Variants in TMEM120A observed in about 807,000 individuals in gnomAD.
The protein encoded by TMEM120A is transmembrane protein 120A.
In TMEM120A, 45 loss-of-function variants were observed where a neutral mutation model predicts 54.3. That is an observed-to-expected ratio of 0.83 (90% CI 0.65 to 1.06). TMEM120A has a LOEUF of 1.06. Among genes scored for constraint, TMEM120A ranks in the 50% least tolerant of loss-of-function variants. The pLI, the probability that TMEM120A is intolerant of heterozygous loss-of-function variation, is 0.00. For synonymous variants in TMEM120A, 204 were observed against 178.5 expected (o/e 1.14, Z -1.14); for missense variants, 424 against 441.7 (o/e 0.96, Z 0.36).
intron 3 of TMEM120A, among the ~76,000 whole-genome samples, chr7:75,990,215 C>A (rs1789784201): frequency 6.6e-6 from 1 of 152,176 alleles, no homozygotes; most frequent in African/African-American, 2.4e-5. Flanking sequence ...CTCTCCACAT[C>A]CTCTCCCCGA....
chr7:75,992,289 C>G (rs782057187), intron 2 of TMEM120A, 29 bp from the exon 3 acceptor site: 10 of 1,581,308 alleles, frequency 6.3e-6, no homozygotes, highest in African/African-American at 1.3e-5. Context: ...ACAGTCAGGG[C>G]AAGAGGACTC....
rs372926266 is a variant in TMEM120A at position 75,988,283 on chromosome 7, G to A, written c.532C>T (p.Arg178Trp). 1.5e-5 allele frequency: 24 copies of A among 1,612,072 alleles called. No individual in the cohort carries two copies. The highest frequency in any genetic ancestry group is 2.2e-5 in the South Asian group (2 of 91,072). ...CCGTTGTTGATGAGGATGCTCTCCC[G>A]GATGGTCAGGGTGCAGTAGTACCAG... is the stretch of plus-strand genomic sequence containing the variant. Reference protein sequence around the residue: ...LVWYYCTLTIRESILINNGSR... With the variant: ...LVWYYCTLTIWESILINNGSR... Residue 178 changes from arginine (R) to tryptophan (W), a missense_variant, in exon 6 of 12, where the codon CGG (arginine) becomes TGG (tryptophan). Transcript: ENST00000493111.
At chr7:75,993,449 C>T (rs1789922843) in intron 1 of TMEM120A, among the ~76,000 whole-genome samples, 1 of 152,252 alleles carries the variant, frequency 6.6e-6, no homozygotes, top group South Asian at 2.1e-4. Context: ...CTCAAGAAGG[C>T]GCAGCCTAGA....
chr7:75,992,058 T>A (rs782683934), intron 3 of TMEM120A, 86 bp downstream of exon 3: 1 of 964,948 alleles, frequency 1.0e-6, no homozygotes, highest in Non-Finnish European at 1.6e-6. Context: ...AGGGAACATT[T>A]GCTGACTATA....
At chr7:75,992,402 C>T (rs782525779) in intron 2 of TMEM120A, 37 bp downstream of exon 2, 2 of 1,585,828 alleles carry the variant, frequency 1.3e-6, no homozygotes, top group East Asian at 2.3e-5. Context: ...TCCCACCCCA[C>T]ACTCTGCCCA....
chr7:75,993,994 G>A (rs1789949545), intron 1 of TMEM120A, among the ~76,000 whole-genome samples: 1 of 120,226 alleles, frequency 8.3e-6, no homozygotes, highest in South Asian at 2.8e-4. Context: ...TCTCCTTGAT[G>A]CAGCCACATG....
chr7:75,987,874 C>A, intron 8 of TMEM120A, 49 bp downstream of exon 8: 2 of 1,598,146 alleles, frequency 1.3e-6, no homozygotes, highest in Non-Finnish European at 1.7e-6. Context: ...GCCCCTGCCC[C>A]CCACCACGGG....
chr7:75,992,635 G>C (rs1159786551), intron 1 of TMEM120A, 78 bp from the exon 2 acceptor site: 5 of 1,065,242 alleles, frequency 4.7e-6, no homozygotes, highest in Non-Finnish European at 6.8e-6. Flanking sequence ...GTGGCGCTCA[G>C]GCTCCCCCAG....
Position 75,987,612 on chromosome 7 carries a change from G to A in TMEM120A, c.785-10C>T. The stretch of plus-strand genomic sequence containing the variant: ...CAGGACTGGAAGCCCTCTGCGGGGA[G>A]GAAGGTCAGGGCACAGGACGGCCAG... On this transcript the variant is annotated splice_polypyrimidine_tract_variant and intron_variant, in intron 9 of 11. Coordinates refer to ENST00000493111, the MANE Select transcript of TMEM120A (RefSeq NM_031925.3). 1.2e-6 allele frequency: 2 copies of A among 1,607,658 alleles called. No homozygotes were observed. The highest frequency in any genetic ancestry group is 8.5e-7 in the Non-Finnish European group (1 of 1,177,678).
At position 75,987,189 on chromosome 7, in the gene TMEM120A, C is replaced by T. The variant is rs201585404; in HGVS notation, c.1015G>A (p.Gly339Arg). 4.7e-4 allele frequency: 749 copies of T among 1,603,104 alleles called. No homozygotes were observed. The highest frequency in any genetic ancestry group is 6.0e-4 in the Non-Finnish European group (708 of 1,175,832). Residue 339 changes from glycine (G) to arginine (R), a missense_variant, in exon 12 of 12, where the codon GGG becomes AGG. Transcript: ENST00000493111. ...VHHKFHSQRH[G>R]SKKD ...GCCCAGCCTCAATCCTTCTTGCTCC[C>T]GTGCCGCTGACTGTGAAACTTGTGG...
chr7:75,989,463 C>CA (rs1789749476), intron 3 of TMEM120A, among the ~76,000 whole-genome samples: 1 of 149,388 alleles, frequency 6.7e-6, no homozygotes, highest in African/African-American at 2.5e-5. Context: ...TGTTCCCCCC[C>CA]ATCTCCAGAG....
Position 75,992,572 on chromosome 7 carries a change from G to A in TMEM120A, c.82-15C>T. On this transcript the variant is annotated splice_polypyrimidine_tract_variant and intron_variant, in intron 1 of 11. Transcript: ENST00000493111. The stretch of plus-strand genomic sequence containing the variant: ...CGATGGGTCTCCTGGGGGCCGGAGG[G>A]GAGAGGCTCAGGCCAGTTGGGGAGC... 6.5e-7 allele frequency: 1 copy of A among 1,547,476 alleles called. No homozygotes were observed. The highest frequency in any genetic ancestry group is 8.7e-7 in the Non-Finnish European group (1 of 1,145,384).
chr7:75,988,539 A>G, intron 4 of TMEM120A, 23 bp from the exon 5 acceptor site: 1 of 1,562,594 alleles, frequency 6.4e-7, no homozygotes, highest in Non-Finnish European at 8.7e-7. Context: ...GGCCGGTGAG[A>G]CGGGTGGGGT....
intron 3 of TMEM120A, among the ~76,000 whole-genome samples, chr7:75,991,836 C>G (rs912650779): frequency 6.6e-6 from 1 of 152,150 alleles, no homozygotes; most frequent in South Asian, 2.1e-4. Context: ...AGAGCCACCA[C>G]GCCCGGCCCA....
In TMEM120A at chr7:75,988,124, A is replaced by G. The variant is rs1789618346; in HGVS notation, c.588T>C (p.His196=). ...CCGACAGGAAGGTGGACACGTAGTG[A>G]TGGAACACCCACCAGCCTTTGATCC... is the stretch of plus-strand genomic sequence containing the variant. ...GSRIKGWWVF[H]HYVSTFLSGV... The change falls in exon 7 of 12, where the codon CAT becomes CAC. Residue 196 remains histidine (H), a synonymous_variant. Transcript: ENST00000493111. 5.6e-6 allele frequency: 9 copies of G among 1,610,394 alleles called. No individual in the cohort carries two copies. The East Asian group carries it at 2.0e-4, about 36-fold the overall frequency.
rs555658619 is a variant in TMEM120A, at chr7:75,986,928, C to G, written c.*244G>C. 50 of 596,048 alleles carry G rather than the reference C, an allele frequency of 8.4e-5. No homozygotes were observed. The African/African-American group carries it at 8.9e-4, about 11-fold the overall frequency. 36.9% of individuals were successfully genotyped at this position (596,048 alleles called of 1,614,324 possible). A position where few individuals can be genotyped will look rare whatever the true frequency, so the allele number is the denominator to read the frequency against. ...CTTAACTAACTCAGACCCCAGGAAC[C>G]CATGTGGTGGGGCCACCCAGCCCTC... On this transcript the variant is annotated 3_prime_UTR_variant, in exon 12 of 12. Coordinates refer to ENST00000493111, the MANE Select transcript of TMEM120A (RefSeq NM_031925.3).
At position 75,988,328 on chromosome 7, in the gene TMEM120A, C is replaced by T; in HGVS notation, c.487G>A (p.Ala163Thr). 6.2e-7 allele frequency: 1 copy of T among 1,611,898 alleles called. No homozygotes were observed. Among genetic ancestry groups the T allele is most frequent in the Non-Finnish European group, 8.5e-7 (1 of 1,179,720 alleles). ...TACCAGACCAGCAGGAAGTTGAAGG[C>T]AGCATCTGTCACCCTGCGGAGGGAG... Reference protein sequence around the residue: ...FLLNSRVTDAAFNFLLVWYYC... With the variant: ...FLLNSRVTDATFNFLLVWYYC... Residue 163 changes from alanine to threonine, a missense_variant, in exon 6 of 12, where the codon GCC becomes ACC. Transcript: ENST00000493111.
chr7:75,992,343 G>T (rs2286826), intron 2 of TMEM120A, 83 bp from the exon 3 acceptor site: 35 of 1,550,058 alleles, frequency 2.3e-5, no homozygotes, highest in African/African-American at 1.9e-4. Context: ...AGGGCAAACA[G>T]GGCCCAGAGA....
chr7:75,987,419 G>T lies in TMEM120A; in HGVS notation c.859C>A (p.Leu287Ile). 1 of 1,563,290 alleles carries T rather than the reference G, an allele frequency of 6.4e-7. No homozygotes were observed. The highest frequency in any genetic ancestry group is 8.7e-7 in the Non-Finnish European group (1 of 1,153,948). The part of the protein sequence containing the change: ...PFLFFGHFWQ[L>I]FNALTLFNLA... ...TTGAACAACGTCAGCGCGTTAAAAA[G>T]CTGCCAGAACTAAGCAGGGAGGAGG... Residue 287 changes from leucine (L) to isoleucine (I), a missense_variant, in exon 11 of 12, where the codon CTT (leucine) becomes ATT (isoleucine). Transcript: ENST00000493111.
Sources: allele counts gnomAD v4.1 joint callset (sites outside exome capture counted in the v4.1 genomes callset), GRCh38; gene constraint gnomAD v4.1.1; transcripts MANE v1.5; gene names NCBI Gene and HGNC (gene_info 2026-07-23, HGNC 2026-07-21).